LMF1: variants seen among roughly 807,000 people sequenced by gnomAD.
LMF1 encodes the protein lipase maturation factor 1, also known as transmembrane protein 112.
Under a neutral mutation model 60.6 loss-of-function variants are expected in LMF1, and 68 were observed. That is an observed-to-expected ratio of 1.12 (90% CI 0.92 to 1.37). LMF1 has a LOEUF of 1.37. Ranked by LOEUF, LMF1 falls within the 40% of genes most tolerant of loss-of-function variation. LMF1 has a pLI of 0.00. For missense variants in LMF1, 948 were observed against 767.2 expected (o/e 1.24, Z -2.78); for synonymous variants, 418 against 324.7 (o/e 1.29, Z -3.09).
At chr16:885,873 C>T (rs1251450824) in intron 5 of LMF1, among the ~76,000 whole-genome samples, 1 of 152,204 alleles carries the variant, frequency 6.6e-6, no homozygotes, top group African/African-American at 2.4e-5. Context: ...CCAATTTGAT[C>T]TAATGAATCC....
chr16:926,935 G>T (rs906858277), intron 3 of LMF1, among the ~76,000 whole-genome samples: 1 of 152,212 alleles, frequency 6.6e-6, no homozygotes, highest in South Asian at 2.1e-4. Flanking sequence ...CAAGAAGACA[G>T]CCTGGCAAGT....
intron 3 of LMF1, among the ~76,000 whole-genome samples, chr16:919,009 G>C (rs182675617): frequency 6.6e-6 from 1 of 152,270 alleles, no homozygotes; most frequent in Admixed American, 6.5e-5. Flanking sequence ...GGCCTCCTGG[G>C]CTGGAGCCCG....
intron 3 of LMF1, among the ~76,000 whole-genome samples, chr16:929,159 C>G (rs1020055780): frequency 1.3e-5 from 2 of 152,234 alleles, no homozygotes; most frequent in African/African-American, 4.8e-5. Context: ...TCCCTCCCAG[C>G]TGCCCCAGGC....
chr16:978,045 C>T (rs1325881971), intron 1 of LMF1, among the ~76,000 whole-genome samples: 1 of 36,180 alleles, frequency 2.8e-5, no homozygotes, highest in Admixed American at 2.6e-4. Flanking sequence ...ACACATCACA[C>T]ACACACAAAC....
intron 4 of LMF1, among the ~76,000 whole-genome samples, chr16:898,085 C>T (rs567512365): frequency 5.3e-5 from 8 of 152,302 alleles, no homozygotes; most frequent in African/African-American, 1.4e-4. Flanking sequence ...TGAGGTGGGC[C>T]AGGGTCTCCA....
In LMF1 at chr16:922,772, T is replaced by C. The variant is rs556672889; in HGVS notation, c.514+11472A>G. On this transcript the variant is annotated intron_variant, in intron 3 of 10. Transcript: ENST00000262301. ...GCGTCGTGTTGTTGCGAAGGCCCTG[T>C]GTGAAAGTCGCCTGGGTTTTCGGGT... Among the ~76,000 whole-genome samples, 507 of 114,694 alleles carry C rather than the reference T, an allele frequency of 4.4e-3. 14 individuals carry two copies. The highest frequency in any genetic ancestry group is 0.019 in the African/African-American group (478 of 24,914). The allele number at this position is 114,694 out of a possible 152,430, so 75.2% of individuals were successfully genotyped here.
chr16:945,055 A>G (rs1369148168), intron 2 of LMF1, among the ~76,000 whole-genome samples: 3 of 151,882 alleles, frequency 2.0e-5, no homozygotes, highest in East Asian at 3.9e-4. Context: ...TACTAAAAGT[A>G]TAAAAATTGG....
chr16:953,048 C>T lies in LMF1; in HGVS notation c.503+1309G>A, dbSNP rs1488094726. On this transcript the variant is annotated intron_variant, in intron 2 of 10. Coordinates refer to ENST00000262301, the MANE Select transcript of LMF1 (RefSeq NM_022773.4). ...ATCCACACAGACACCCCAAACCAGCCTCCTACACGTCCACACAGACACCCA... is the reference window on the plus strand; with the variant it reads ...ATCCACACAGACACCCCAAACCAGCTTCCTACACGTCCACACAGACACCCA... Among the ~76,000 whole-genome samples the T allele has an allele frequency of 2.3e-3, 130 of 55,512 alleles. 3 individuals carry two copies. Among genetic ancestry groups the T allele is most frequent in the African/African-American group, 0.014 (92 of 6,688 alleles). The allele number at this position is 55,512 out of a possible 152,430, so 36.4% of individuals were successfully genotyped here.
chr16:860,373 T>G (rs1420429205), intron 10 of LMF1, among the ~76,000 whole-genome samples: 1 of 151,718 alleles, frequency 6.6e-6, no homozygotes, highest in Non-Finnish European at 1.5e-5. Context: ...GGGCTCTCGC[T>G]CTGTTGCCCA....
At chr16:978,943 C>G (rs2073255685) in intron 1 of LMF1, 1 of 453,536 alleles carries the variant, frequency 2.2e-6, no homozygotes. Context: ...AGCTTCAGGG[C>G]TCAGCTTAAA....
intron 3 of LMF1, among the ~76,000 whole-genome samples, chr16:931,077 C>T (rs1403085119): frequency 3.3e-5 from 5 of 151,890 alleles, no homozygotes; most frequent in African/African-American, 9.7e-5. Flanking sequence ...GCCAAGATCG[C>T]ACCACTGCTC....
chr16:893,875 G>A (rs972417019), intron 4 of LMF1, among the ~76,000 whole-genome samples: 11 of 152,074 alleles, frequency 7.2e-5, no homozygotes, highest in Non-Finnish European at 7.4e-5. Flanking sequence ...CTCACACACT[G>A]GTGCATGGGA....
At chr16:918,451 G>A (rs907956281) in intron 3 of LMF1, among the ~76,000 whole-genome samples, 3 of 152,346 alleles carry the variant, frequency 2.0e-5, no homozygotes, top group East Asian at 1.9e-4. Flanking sequence ...TAGACTTCGC[G>A]GCAAAGAGTG....
At chr16:898,793 T>C (rs559835858) in intron 4 of LMF1, among the ~76,000 whole-genome samples, 1 of 152,380 alleles carries the variant, frequency 6.6e-6, no homozygotes, top group East Asian at 1.9e-4. Flanking sequence ...TGTAAATTCC[T>C]CTTGCTGTGA....
At chr16:892,621 G>A (rs1248967725) in intron 5 of LMF1, among the ~76,000 whole-genome samples, 2 of 152,254 alleles carry the variant, frequency 1.3e-5, no homozygotes, top group Non-Finnish European at 2.9e-5. Flanking sequence ...CCACAGTTCC[G>A]TGTGGCAGGG....
At chr16:942,876 C>T (rs1288127855) in intron 2 of LMF1, among the ~76,000 whole-genome samples, 1 of 152,190 alleles carries the variant, frequency 6.6e-6, no homozygotes, top group Non-Finnish European at 1.5e-5. Flanking sequence ...TGGTGCTATC[C>T]CACATGTCAC....
chr16:869,817 C>T, intron 9 of LMF1, 66 bp downstream of exon 9: 1 of 1,513,222 alleles, frequency 6.6e-7, no homozygotes, highest in African/African-American at 1.4e-5. Context: ...TAGAAACCTG[C>T]CATCTATGGG....
At chr16:931,876 G>A (rs368077526) in intron 3 of LMF1, 8 of 1,155,420 alleles carry the variant, frequency 6.9e-6, no homozygotes, top group South Asian at 2.7e-5. Context: ...TCAACAATTC[G>A]CTTCTGAGTC....
At chr16:866,302 GA>G (rs1468457979) in intron 10 of LMF1, among the ~76,000 whole-genome samples, 1 of 152,240 alleles carries the variant, frequency 6.6e-6, no homozygotes, top group Non-Finnish European at 1.5e-5. Flanking sequence ...GGTTGGGGTA[GA>G]ACTCCAGTGG....
Sources: allele counts gnomAD v4.1 joint callset (sites outside exome capture counted in the v4.1 genomes callset), GRCh38; gene constraint gnomAD v4.1.1; transcripts MANE v1.5; gene names NCBI Gene and HGNC (gene_info 2026-07-23, HGNC 2026-07-21).